COL24A1: variants seen among roughly 807,000 people sequenced by gnomAD.
COL24A1 encodes the protein collagen type XXIV alpha 1 chain.
A neutral mutation model predicts 253.9 loss-of-function variants in COL24A1; 224 were observed. The observed-to-expected ratio is 0.88, with a 90% CI of 0.79 to 0.99. The LOEUF (loss-of-function observed/expected upper bound fraction) is 0.99. Ranked by LOEUF, COL24A1 falls within the 50% of genes least tolerant of loss-of-function variation. The pLI is 0.00. For missense variants in COL24A1, 2,131 were observed against 2,068.5 expected (o/e 1.03, Z -0.59); for synonymous variants, 685 against 673.7 (o/e 1.02, Z -0.26).
At chr1:85,824,175 A>G (rs1248967144) in intron 43 of COL24A1, among the ~76,000 whole-genome samples, 1 of 152,156 alleles carries the variant, frequency 6.6e-6, no homozygotes, top group African/African-American at 2.4e-5. Context: ...TGACACAGAC[A>G]ACAGAGGAGA....
At chr1:86,090,398 C>A (rs1703407590) in intron 6 of COL24A1, among the ~76,000 whole-genome samples, 1 of 152,110 alleles carries the variant, frequency 6.6e-6, no homozygotes, top group Admixed American at 6.5e-5. Context: ...TATGCATGCT[C>A]TTTTTAAGCT....
At chr1:85,997,008 CATATATATATGTGTGTGTGTATAT>C (rs1694855884) in intron 19 of COL24A1, among the ~76,000 whole-genome samples, 1 of 120,562 alleles carries the variant, frequency 8.3e-6, no homozygotes, top group Non-Finnish European at 1.8e-5. Context: ...TGTTTTCTTT[CATATATATATGTGTGTGTGTATAT>C]ATATATATAT....
At chr1:86,141,912 C>T (rs1410095238) in intron 2 of COL24A1, among the ~76,000 whole-genome samples, 3 of 151,952 alleles carry the variant, frequency 2.0e-5, no homozygotes, top group Non-Finnish European at 4.4e-5. Flanking sequence ...CCATTTTGGC[C>T]AGGCTCGAAC....
At chr1:86,120,049 C>T (rs1706576643) in intron 3 of COL24A1, among the ~76,000 whole-genome samples, 1 of 152,210 alleles carries the variant, frequency 6.6e-6, no homozygotes, top group South Asian at 2.1e-4. Context: ...AGAAAGGATT[C>T]CCTATTTAAT....
intron 57 of COL24A1, 83 bp from the exon 58 acceptor site, chr1:85,737,588 A>T: frequency 1.0e-6 from 1 of 965,516 alleles, no homozygotes; most frequent in Non-Finnish European, 1.5e-6. Flanking sequence ...TGAGAGAGAG[A>T]GTCTCATTCT....
chr1:86,081,131 T>C (rs755561353), intron 7 of COL24A1, among the ~76,000 whole-genome samples: 1 of 152,182 alleles, frequency 6.6e-6, no homozygotes, highest in Non-Finnish European at 1.5e-5. Flanking sequence ...AAAAAAATTA[T>C]CAAAATTAGT....
At chr1:86,113,837 CAAAAAA>C (rs36014881) in intron 4 of COL24A1, among the ~76,000 whole-genome samples, 31 of 72,406 alleles carry the variant, frequency 4.3e-4, no homozygotes, top group South Asian at 6.3e-4. Context: ...TCCTGTCTCA[CAAAAAA>C]AAAAAAAAAA....
intron 10 of COL24A1, 104 bp downstream of exon 10, chr1:86,057,827 A>T: frequency 4.2e-6 from 4 of 962,126 alleles, no homozygotes; most frequent in Non-Finnish European, 6.2e-6. Context: ...CATTTGAATT[A>T]AATTCAAAGC....
At chr1:85,849,311 T>A in intron 38 of COL24A1, 42 bp downstream of exon 38, 1 of 1,539,166 alleles carries the variant, frequency 6.5e-7, no homozygotes, top group Non-Finnish European at 9.0e-7. Flanking sequence ...TCTGGGCACA[T>A]CAGAAGAAAG....
chr1:85,771,778 T>TTTTATTTATTTATTTATTTATTTA (rs200015208), intron 53 of COL24A1, among the ~76,000 whole-genome samples: 9 of 146,578 alleles, frequency 6.1e-5, no homozygotes, highest in African/African-American at 1.0e-4. Flanking sequence ...TGCCTGACTT[T>TTTTATTTATTTATTTATTTATTTA]TTTATTTATT....
intron 47 of COL24A1, among the ~76,000 whole-genome samples, chr1:85,795,620 A>G (rs917588606): frequency 6.6e-6 from 1 of 152,132 alleles, no homozygotes; most frequent in African/African-American, 2.4e-5. Flanking sequence ...TCTTTAAAGT[A>G]CTACCTTAAC....
chr1:86,025,948 G>A (rs1247989402), intron 14 of COL24A1, among the ~76,000 whole-genome samples: 3 of 152,092 alleles, frequency 2.0e-5, no homozygotes, highest in African/African-American at 7.2e-5. Context: ...CTGACTTTCT[G>A]AGATAACAGA....
intron 55 of COL24A1, among the ~76,000 whole-genome samples, chr1:85,756,096 A>T (rs948639986): frequency 1.7e-4 from 25 of 149,456 alleles, no homozygotes; most frequent in African/African-American, 5.8e-4. Flanking sequence ...CCCAATTCAA[A>T]AAATGGGCAA....
In COL24A1 at chr1:86,059,140, G is replaced by A. The variant is rs762813354; in HGVS notation, c.1787C>T (p.Pro596Leu). ...IPGFAGNIGS[P>L]GYPGRQGLAG... is the part of the protein sequence containing the mutation. ...CTGCACCTGCCTGCCAGGGTAACCG[G>A]GTGAACCAATATTACCAGCAAATCC... Residue 596 changes from proline (P) to leucine (L), a missense_variant, in exon 9 of 60, where the codon CCC (proline) becomes CTC (leucine). Coordinates refer to ENST00000370571, the MANE Select transcript of COL24A1 (RefSeq NM_152890.7). The A allele has an allele frequency of 8.7e-6, 14 of 1,610,694 alleles. No individual in the cohort carries two copies. The East Asian group carries it at 3.1e-4, about 36-fold the overall frequency.
At chr1:85,886,109 T>A (rs190100902) in intron 32 of COL24A1, among the ~76,000 whole-genome samples, 2 of 151,842 alleles carry the variant, frequency 1.3e-5, no homozygotes, top group East Asian at 3.9e-4. Flanking sequence ...ATCACCCAGG[T>A]TGGAGTGCAG....
At chr1:86,136,110 C>T (rs533483963) in intron 2 of COL24A1, among the ~76,000 whole-genome samples, 1 of 152,230 alleles carries the variant, frequency 6.6e-6, no homozygotes, top group East Asian at 1.9e-4. Context: ...CTCTTTCCTC[C>T]ATATCCACTC....
At chr1:85,963,841 T>A (rs1230293549) in intron 23 of COL24A1, among the ~76,000 whole-genome samples, 1 of 152,174 alleles carries the variant, frequency 6.6e-6, no homozygotes, top group Admixed American at 6.6e-5. Context: ...ACAGTTGGAT[T>A]TCCTAGCGCT....
chr1:86,125,558 T>A lies in COL24A1; in HGVS notation c.778A>T (p.Ile260Leu). 2 of 1,613,456 alleles carry A rather than the reference T, an allele frequency of 1.2e-6. No homozygotes were observed. Among genetic ancestry groups the A allele is most frequent in the Non-Finnish European group, 1.7e-6 (2 of 1,179,638 alleles). ...GAGTGTTCCGGTATCTTTGTTGGTA[T>A]GAGAGTTGTACAAGGAATGCTTGTT... ...PETSIPCTTL[I>L]PTKIPEHSPP... The change falls in exon 3 of 60, where the codon ATA becomes TTA. Residue 260 changes from isoleucine (I) to leucine (L), a missense_variant. By Grantham distance (5) the Ile-to-Leu change is conservative (BLOSUM62 2). Coordinates refer to ENST00000370571, the MANE Select transcript of COL24A1 (RefSeq NM_152890.7).
chr1:86,004,980 T>A (rs1695801988), intron 19 of COL24A1, among the ~76,000 whole-genome samples: 1 of 152,332 alleles, frequency 6.6e-6, no homozygotes, highest in Admixed American at 6.5e-5. Flanking sequence ...CTTCTTGTAC[T>A]CCTGTCAAAC....
Sources: gnomAD v4.1 joint callset for allele counts (sites outside exome capture counted in the v4.1 genomes callset) on GRCh38, gnomAD v4.1.1 for gene constraint, MANE v1.5 for transcripts, NCBI Gene and HGNC (gene_info 2026-07-23, HGNC 2026-07-21) for gene names.